The following RACGAP1 variants were observed in gnomAD, a reference collection of about 807,000 sequenced individuals.
The protein encoded by RACGAP1 is rac GTPase-activating protein 1.
RACGAP1 carries 30 observed loss-of-function variants against 78.1 expected under a neutral mutation model. That is an observed-to-expected ratio of 0.38 (90% CI 0.29 to 0.52). The LOEUF is 0.52. Ranked by LOEUF, RACGAP1 falls within the 20% of genes least tolerant of loss-of-function variation. The pLI, the probability that RACGAP1 is intolerant of heterozygous loss-of-function variation, is 0.82. For missense variants in RACGAP1, 587 were observed against 777.1 expected (o/e 0.76, Z 2.91); for synonymous variants, 231 against 264.8 (o/e 0.87, Z 1.24).
chr12:49,994,374 AC>A (rs1162995065), intron 11 of RACGAP1, 39 bp downstream of exon 11: 1 of 1,612,934 alleles, frequency 6.2e-7, no homozygotes, highest in Admixed American at 1.7e-5. Context: ...CCGAATTAAC[AC>A]AAATAACAAA....
At chr12:49,991,317 G>A (rs1947821192) in intron 15 of RACGAP1, among the ~76,000 whole-genome samples, 1 of 150,934 alleles carries the variant, frequency 6.6e-6, no homozygotes, top group Admixed American at 6.6e-5. Flanking sequence ...ATTGACTATA[G>A]CATTACTTGT....
intron 1 of RACGAP1, among the ~76,000 whole-genome samples, chr12:50,024,434 C>T (rs930079015): frequency 5.9e-5 from 9 of 152,122 alleles, no homozygotes; most frequent in African/African-American, 2.2e-4. Context: ...CATGTTCTCA[C>T]TTATAAGTGA....
intron 7 of RACGAP1, 141 bp from the exon 8 acceptor site, chr12:49,999,874 G>T: frequency 1.5e-6 from 1 of 652,204 alleles, no homozygotes; most frequent in Admixed American, 2.5e-5. Context: ...TTTTGAGACA[G>T]AGTTTTTCAC....
chr12:49,997,275 T>A, intron 9 of RACGAP1, 71 bp from the exon 10 acceptor site: 3 of 958,318 alleles, frequency 3.1e-6, no homozygotes, highest in Non-Finnish European at 4.0e-6. Flanking sequence ...CAACTAACTT[T>A]TTTTTTTTTT....
At chr12:50,030,208 C>G (rs1469078684), upstream of RACGAP1, among the ~76,000 whole-genome samples, 1 of 152,052 alleles carries the variant, frequency 6.6e-6, no homozygotes, top group Non-Finnish European at 1.5e-5. Flanking sequence ...AACAAACTAG[C>G]TGAATGTAGT....
chr12:50,002,005 C>T (rs965719778), intron 6 of RACGAP1, among the ~76,000 whole-genome samples: 1 of 149,506 alleles, frequency 6.7e-6, no homozygotes, highest in Non-Finnish European at 1.5e-5. Context: ...GCGGACGTTG[C>T]GTTCAGCCGA....
intron 2 of RACGAP1, among the ~76,000 whole-genome samples, chr12:50,007,488 C>T (rs1949041708): frequency 6.6e-6 from 1 of 152,184 alleles, no homozygotes; most frequent in African/African-American, 2.4e-5. Flanking sequence ...AAGGATCACT[C>T]TCCACCAACA....
chr12:50,028,217 C>A (rs1211489605), upstream of RACGAP1, among the ~76,000 whole-genome samples: 3 of 152,322 alleles, frequency 2.0e-5, no homozygotes, highest in East Asian at 5.8e-4. Context: ...TTTATGAAAT[C>A]AATCAATGAA....
chr12:50,031,634 G>A (rs944118383), intron 2 of RACGAP1: 11 of 960,206 alleles, frequency 1.1e-5, no homozygotes, highest in African/African-American at 1.8e-5. Context: ...TTCCCTGTGC[G>A]CCAGCACTCT....
At position 50,005,259 on chromosome 12, in the gene RACGAP1, T is replaced by G; in HGVS notation, c.422A>C (p.Lys141Thr). Residue 141 changes from lysine to threonine, a missense_variant, in exon 4 of 17, where the codon AAA (lysine) becomes ACA (threonine). Lys to Thr is a moderately conservative substitution (Grantham distance 78). Coordinates refer to ENST00000312377, the MANE Select transcript of RACGAP1 (RefSeq NM_001319999.2). ...GQPSSSNAGN[K>T]RLSTIDESGS... The stretch of plus-strand genomic sequence containing the variant: ...ACAACAGATGCAGTTCCTCCACCTT[T>G]TGTTCCCAGCATTGCTGCTGGATGG... 6.2e-7 allele frequency: 1 copy of G among 1,614,100 alleles called. No individual in the cohort carries two copies. Among genetic ancestry groups the G allele is most frequent in the South Asian group, 1.1e-5 (1 of 91,080 alleles).
At chr12:49,999,502 T>TA in intron 8 of RACGAP1, 114 bp downstream of exon 8, 1 of 1,034,356 alleles carries the variant, frequency 9.7e-7, no homozygotes, top group Non-Finnish European at 1.5e-6. Context: ...TATGCAGCAG[T>TA]AAGAAACTAC....
chr12:49,991,488 T>A lies in RACGAP1; in HGVS notation c.1714+510A>T, dbSNP rs1467506852. The stretch of plus-strand genomic sequence containing the variant: ...ATATATATATATATATATTTTTTTT[T>A]TTTTTTTTTTTTTTTTTTTAGACAG... On this transcript the variant is annotated intron_variant, in intron 15 of 16. Transcript: ENST00000312377. Among the ~76,000 whole-genome samples, 214 of 86,996 alleles carry A rather than the reference T, an allele frequency of 2.5e-3. 2 individuals are homozygous for A. The highest frequency in any genetic ancestry group is 3.8e-3 in the Admixed American group (28 of 7,412). The allele number at this position is 86,996 out of a possible 152,430, so 57.1% of individuals were successfully genotyped here. A position where few individuals can be genotyped will look rare whatever the true frequency, so the allele number is the denominator to read the frequency against.
intron 2 of RACGAP1, among the ~76,000 whole-genome samples, chr12:50,008,760 T>C (rs1244010464): frequency 6.6e-6 from 1 of 152,084 alleles, no homozygotes; most frequent in African/African-American, 2.4e-5. Context: ...CCCAAAGTGC[T>C]AGGATTATAG....
At chr12:50,010,825 G>C (rs537216532) in intron 2 of RACGAP1, among the ~76,000 whole-genome samples, 3 of 151,830 alleles carry the variant, frequency 2.0e-5, no homozygotes, top group South Asian at 2.1e-4. Context: ...CCAGCTACTC[G>C]GGAGGCTGAG....
intron 4 of RACGAP1, 133 bp from the exon 5 acceptor site, chr12:50,004,437 T>C: frequency 7.3e-7 from 1 of 1,366,896 alleles, no homozygotes; most frequent in Non-Finnish European, 9.6e-7. Flanking sequence ...ATAGAGACAA[T>C]TACAATCTCA....
chr12:49,999,053 TA>T (rs1948486887), intron 9 of RACGAP1, 87 bp downstream of exon 9: 2 of 1,410,476 alleles, frequency 1.4e-6, no homozygotes, highest in South Asian at 3.1e-5. Flanking sequence ...CATTTAACTT[TA>T]TAACACTAAA....
intron 9 of RACGAP1, among the ~76,000 whole-genome samples, 155 bp downstream of exon 9, chr12:49,998,986 C>T (rs1357604046): frequency 6.6e-6 from 1 of 152,054 alleles, no homozygotes. Context: ...AGAAACTTAC[C>T]TCTGTAACCA....
At chr12:49,993,380 C>T (rs568079429) in intron 12 of RACGAP1, among the ~76,000 whole-genome samples, 3 of 152,252 alleles carry the variant, frequency 2.0e-5, no homozygotes, top group Admixed American at 6.5e-5. Flanking sequence ...TACACAATAA[C>T]GTAATGAGAA....
In RACGAP1 at chr12:49,989,383, C is replaced by G. The variant is rs1430689754; in HGVS notation, c.*885G>C. On this transcript the variant is annotated 3_prime_UTR_variant, in exon 17 of 17. Coordinates refer to ENST00000312377, the MANE Select transcript of RACGAP1 (RefSeq NM_001319999.2). Reference sequence around the variant, plus strand: ...AAGTGCAAAGAAAAAATGACTGTAGCTTTTCTTACCACAAAATATTGACAA... The same window carrying G: ...AAGTGCAAAGAAAAAATGACTGTAGGTTTTCTTACCACAAAATATTGACAA... The G allele has an allele frequency of 1.3e-5, 2 of 152,068 alleles. No homozygotes were observed. The highest frequency in any genetic ancestry group is 2.9e-5 in the Non-Finnish European group (2 of 68,008). 9.4% of individuals were successfully genotyped at this position (152,068 alleles called of 1,614,324 possible).
Sources: allele counts gnomAD v4.1 joint callset (sites outside exome capture counted in the v4.1 genomes callset), GRCh38; gene constraint gnomAD v4.1.1; transcripts MANE v1.5; gene names NCBI Gene and HGNC (gene_info 2026-07-23, HGNC 2026-07-21).